The following BCLAF1 variants were observed in gnomAD, a reference collection of about 807,000 sequenced individuals.
BCLAF1 encodes BCL2 associated transcription factor 1, also known as bcl-2-associated transcription factor 1.
A neutral mutation model predicts 99.5 loss-of-function variants in BCLAF1; 10 were observed. The observed-to-expected ratio is 0.10, with a 90% CI of 0.06 to 0.17. The LOEUF (loss-of-function observed/expected upper bound fraction) is 0.17. BCLAF1 is among the 10% of genes least tolerant of loss of function. The pLI is 1.00. For missense variants in BCLAF1, 636 were observed against 1,105.8 expected (o/e 0.58, Z 6.02); for synonymous variants, 255 against 370.9 (o/e 0.69, Z 3.59).
At chr6:136,288,093 T>C (rs567663775) in intron 1 of BCLAF1, among the ~76,000 whole-genome samples, 3 of 152,350 alleles carry the variant, frequency 2.0e-5, no homozygotes, top group East Asian at 3.9e-4. Flanking sequence ...TCAAGTCTTA[T>C]ACTACCACTG....
rs192271340 is a variant in BCLAF1, at chr6:136,274,460, A to G, written c.1852+1072T>C. Among the ~76,000 whole-genome samples the G allele has an allele frequency of 4.6e-5, 7 of 152,188 alleles. No individual in the cohort carries two copies. The East Asian group carries it at 1.4e-3, about 29-fold the overall frequency. On this transcript the variant is annotated intron_variant, in intron 6 of 12. Coordinates refer to ENST00000531224, the MANE Select transcript of BCLAF1 (RefSeq NM_014739.3). ...TTATGTACCACAGTAATATGGTCAT[A>G]AACTGGTTCACAAACCTACTCAGAG...
At chr6:136,289,144 T>TG (rs1451761741) in intron 1 of BCLAF1, among the ~76,000 whole-genome samples, 4 of 151,976 alleles carry the variant, frequency 2.6e-5, no homozygotes, top group Non-Finnish European at 5.9e-5. Flanking sequence ...AACTGACGGG[T>TG]GGTCTGAAGC....
intron 6 of BCLAF1, chr6:136,274,088 CA>C: frequency 7.8e-7 from 1 of 1,288,016 alleles, no homozygotes; most frequent in Non-Finnish European, 1.0e-6. Flanking sequence ...GTTTTTATGC[CA>C]TTTTTGCCAG....
intron 4 of BCLAF1, 140 bp downstream of exon 4, chr6:136,277,725 T>A (rs1471555460): frequency 8.9e-7 from 1 of 1,128,000 alleles, no homozygotes; most frequent in Admixed American, 3.1e-5. Context: ...AAAAACAATT[T>A]GGAATTATCT....
chr6:136,261,768 G>C (rs1375575556), intron 11 of BCLAF1, among the ~76,000 whole-genome samples: 1 of 151,972 alleles, frequency 6.6e-6, no homozygotes, highest in Non-Finnish European at 1.5e-5. Context: ...AGAATCCTGA[G>C]TTTTGTTTTT....
intron 1 of BCLAF1, among the ~76,000 whole-genome samples, chr6:136,285,553 T>C (rs1350416323): frequency 1.3e-5 from 2 of 152,182 alleles, no homozygotes; most frequent in East Asian, 3.8e-4. Flanking sequence ...AAACTGAAAA[T>C]GCCAAATTAA....
At position 136,259,532 on chromosome 6, in the gene BCLAF1, C is replaced by A. The variant is rs568950269; in HGVS notation, c.*1578G>T. On this transcript the variant is annotated 3_prime_UTR_variant, in exon 13 of 13. Transcript: ENST00000531224. ...ACATACTTCCTTTGGCAGGTATTTC[C>A]TCTGCTTTAATAGACAATTTTAGAA... 6.6e-6 allele frequency: 1 copy of A among 152,132 alleles called. No homozygotes were observed. Among genetic ancestry groups the A allele is most frequent in the South Asian group, 2.1e-4 (1 of 4,828 alleles). 9.4% of individuals were successfully genotyped at this position (152,132 alleles called of 1,614,324 possible).
In BCLAF1 at chr6:136,261,424, A is replaced by T. The variant is rs747197918; in HGVS notation, c.2598T>A (p.Arg866=). 1 of 1,613,784 alleles carries T rather than the reference A, an allele frequency of 6.2e-7. No individual in the cohort carries two copies. Reference sequence around the variant, plus strand: ...GCCCTCTGCCACGTTGAAAAGTACCACGACCTCTTCCTCTTTTGGCCCAAT... The same window carrying T: ...GCCCTCTGCCACGTTGAAAAGTACCTCGACCTCTTCCTCTTTTGGCCCAAT... ...VDYWAKRGRG[R]GTFQRGRGRF... is the part of the protein sequence containing the mutation. Residue 866 remains arginine, a synonymous_variant, in exon 12 of 13, where the codon CGT becomes CGA. Coordinates refer to ENST00000531224, the MANE Select transcript of BCLAF1 (RefSeq NM_014739.3).
rs760036255 is a variant in BCLAF1 at position 136,276,080 on chromosome 6, T to C, written c.1445A>G (p.Asp482Gly). The C allele has an allele frequency of 6.2e-7, 1 of 1,608,210 alleles. No homozygotes were observed. Among genetic ancestry groups the C allele is most frequent in the South Asian group, 1.1e-5 (1 of 89,714 alleles). The change falls in exon 5 of 13, where the codon GAC (aspartate) becomes GGC (glycine). Residue 482 changes from aspartate (D) to glycine (G), a missense_variant. Physicochemically the swap from Asp to Gly is moderately conservative, Grantham distance 94. Around this residue, in one of 9 missense-constraint regions of BCLAF1, gnomAD observed 186 missense variants for 275.3 expected, o/e 0.68. Transcript: ENST00000531224. Reference sequence around the variant, plus strand: ...TACTGTTATTCTTTCAGAATTTTTGTCTTCTTCTTTGTGCTTATCTTTTGT... The same window carrying C: ...TACTGTTATTCTTTCAGAATTTTTGCCTTCTTCTTTGTGCTTATCTTTTGT... ...STTKDKHKEEDKNSERITVKK... is the reference protein window; with the variant it reads ...STTKDKHKEEGKNSERITVKK...
intron 1 of BCLAF1, among the ~76,000 whole-genome samples, chr6:136,283,744 C>T (rs1784693379): frequency 6.6e-6 from 1 of 152,082 alleles, no homozygotes; most frequent in African/African-American, 2.4e-5. Context: ...ACTGGTGAAT[C>T]AAGAATAGCG....
chr6:136,276,584 G>A, intron 4 of BCLAF1, 76 bp from the exon 5 acceptor site: 1 of 1,470,424 alleles, frequency 6.8e-7, no homozygotes, highest in South Asian at 1.5e-5. Context: ...TAAATGTGTT[G>A]CCCAATCCCT....
intron 1 of BCLAF1, among the ~76,000 whole-genome samples, chr6:136,286,731 G>A (rs566156989): frequency 6.6e-6 from 1 of 152,280 alleles, no homozygotes; most frequent in Non-Finnish European, 1.5e-5. Context: ...ACTTTGGGAG[G>A]GCGAGGCGGG....
chr6:136,289,446 CCG>C (rs1785652096), intron 1 of BCLAF1, among the ~76,000 whole-genome samples: 5 of 152,196 alleles, frequency 3.3e-5, no homozygotes. Flanking sequence ...GCACGGGAGG[CCG>C]CGCGGGCTGT....
At chr6:136,266,669 T>C (rs1781756563) in intron 11 of BCLAF1, among the ~76,000 whole-genome samples, 1 of 152,118 alleles carries the variant, frequency 6.6e-6, no homozygotes. Context: ...CAAATAGCTA[T>C]GATAATGGAA....
chr6:136,289,537 C>T (rs1441494954), intron 1 of BCLAF1, among the ~76,000 whole-genome samples, 176 bp downstream of exon 1: 1 of 152,204 alleles, frequency 6.6e-6, no homozygotes, highest in African/African-American at 2.4e-5. Context: ...CTTTTCGGCC[C>T]GTAGTGCCTC....
intron 8 of BCLAF1, 98 bp downstream of exon 8, chr6:136,271,897 G>A: frequency 2.5e-6 from 2 of 802,472 alleles, no homozygotes; most frequent in South Asian, 1.6e-5. Context: ...AAAAGTAGAA[G>A]ATATCTATAG....
At position 136,260,974 on chromosome 6, in the gene BCLAF1, A is replaced by T. The variant is rs1466348627; in HGVS notation, c.*136T>A. 2 of 969,920 alleles carry T rather than the reference A, an allele frequency of 2.1e-6. No homozygotes were observed. The highest frequency in any genetic ancestry group is 3.1e-5 in the Admixed American group (1 of 32,672). 60.1% of individuals were successfully genotyped at this position (969,920 alleles called of 1,614,324 possible). On this transcript the variant is annotated 3_prime_UTR_variant, in exon 13 of 13. Transcript: ENST00000531224. Reference sequence around the variant, plus strand: ...TATTTCTCAAGATATTTGAAGACTTAAAACAAAATTTCTATAGACTACTTG... The same window carrying T: ...TATTTCTCAAGATATTTGAAGACTTTAAACAAAATTTCTATAGACTACTTG...
chr6:136,278,633 CCTT>C lies in BCLAF1; in HGVS notation c.245_247del (p.Gln82_Gly83delinsArg). 6.2e-7 allele frequency: 1 copy of C among 1,613,028 alleles called. No individual in the cohort carries two copies. Among genetic ancestry groups the C allele is most frequent in the Non-Finnish European group, 8.5e-7 (1 of 1,179,808 alleles). ...ACCTCGATGATATCTACCTCCTCCTCCTTGATAATACCCTCTACCCCTTCCTCT... is the reference window on the plus strand; with the variant it reads ...ACCTCGATGATATCTACCTCCTCCTCGATAATACCCTCTACCCCTTCCTCT... On this transcript the variant is annotated inframe_deletion, in exon 4 of 13. Coordinates refer to ENST00000531224, the MANE Select transcript of BCLAF1 (RefSeq NM_014739.3).
In BCLAF1 at chr6:136,275,643, T is replaced by C. The variant is rs373259896; in HGVS notation, c.1741A>G (p.Lys581Glu). 1.3e-6 allele frequency: 2 copies of C among 1,597,762 alleles called. No individual in the cohort carries two copies. Among genetic ancestry groups the C allele is most frequent in the Non-Finnish European group, 1.7e-6 (2 of 1,173,422 alleles). ...AAGATGGATCGGAATTCTTGCTCCT[T>C]CTTGACAGAATGGACAAGTGTACTA... ...LASTLVHSVK[K>E]EQEFRSIFDH... Residue 581 changes from lysine to glutamate, a missense_variant, in exon 6 of 13, where the codon AAG (lysine) becomes GAG (glutamate). Transcript: ENST00000531224.
Sources: gnomAD v4.1 joint callset for allele counts (sites outside exome capture counted in the v4.1 genomes callset) on GRCh38, gnomAD v4.1.1 for gene constraint, gnomAD v4.1.1 regional missense constraint, MANE v1.5 for transcripts, NCBI Gene and HGNC (gene_info 2026-07-23, HGNC 2026-07-21) for gene names.